Variants in SUGCT observed in about 807,000 individuals in gnomAD.
The protein encoded by SUGCT is succinyl-CoA:glutarate-CoA transferase, also known as succinyl-CoA:glutarate CoA-transferase.
SUGCT carries 41 observed loss-of-function variants against 55.0 expected under a neutral mutation model. The ratio of observed to expected loss-of-function variants is 0.74; its 90% CI spans 0.58 to 0.97. The LOEUF (loss-of-function observed/expected upper bound fraction) is 0.97. SUGCT is among the 50% of genes least tolerant of loss of function. The pLI, the probability that SUGCT is intolerant of heterozygous loss-of-function variation, is 0.00. For missense variants in SUGCT, 568 were observed against 547.8 expected (o/e 1.04, Z -0.37); for synonymous variants, 187 against 200.4 (o/e 0.93, Z 0.56).
chr7:40,150,438 G>T (rs995266925), intron 1 of SUGCT, among the ~76,000 whole-genome samples: 1 of 152,188 alleles, frequency 6.6e-6, no homozygotes, highest in Non-Finnish European at 1.5e-5. Context: ...GGAGGCTAAG[G>T]CAGGCGGATC....
At chr7:40,450,679 CAGG>C (rs1789140723) in intron 10 of SUGCT, among the ~76,000 whole-genome samples, 1 of 151,740 alleles carries the variant, frequency 6.6e-6, no homozygotes, top group Non-Finnish European at 1.5e-5. Context: ...TCGGCTGAGG[CAGG>C]AGAATTGCTT....
chr7:40,950,487 C>T, the SUGCT span, among the ~76,000 whole-genome samples: 7 of 152,166 alleles, frequency 4.6e-5, no homozygotes, highest in Non-Finnish European at 2.9e-5. Context: ...GAACTTCCAA[C>T]ACTCTGTTGA....
At position 40,314,950 on chromosome 7, in the gene SUGCT, A is replaced by T. The variant is rs138351320; in HGVS notation, c.721-1810A>T. On this transcript the variant is annotated intron_variant, in intron 8 of 13. Transcript: ENST00000335693. ...CATTTGCCTTGTAAGCACGTTGAAG[A>T]TTACTTACTATTTTGCAAATTGTGT... Among the ~76,000 whole-genome samples, 195 of 152,272 alleles carry T rather than the reference A, an allele frequency of 1.3e-3. 1 individual carries two copies. Among genetic ancestry groups the T allele is most frequent in the African/African-American group, 4.6e-3 (192 of 41,552 alleles).
intron 12 of SUGCT, among the ~76,000 whole-genome samples, chr7:40,596,922 A>T (rs1322397125): frequency 2.0e-5 from 3 of 152,198 alleles, no homozygotes; most frequent in Non-Finnish European, 4.4e-5. Context: ...AGATTAGAAG[A>T]TCCATGAGAT....
intron 13 of SUGCT, among the ~76,000 whole-genome samples, chr7:40,798,298 G>A (rs1790645738): frequency 6.6e-6 from 1 of 152,138 alleles, no homozygotes; most frequent in Admixed American, 6.5e-5. Flanking sequence ...AAATGATTGT[G>A]CTAAGATTGA....
intron 6 of SUGCT, among the ~76,000 whole-genome samples, chr7:40,204,630 A>C (rs1203458840): frequency 2.0e-5 from 3 of 151,854 alleles, no homozygotes; most frequent in African/African-American, 7.3e-5. Flanking sequence ...CTGTGGGATT[A>C]AGAAAATCTT....
chr7:40,448,946 G>GTGTT (rs1562785476), intron 9 of SUGCT, among the ~76,000 whole-genome samples: 4 of 145,494 alleles, frequency 2.7e-5, no homozygotes, highest in African/African-American at 7.9e-5. Context: ...GTGTGTGTGT[G>GTGTT]TGTGTATATA....
At chr7:40,577,395 A>G (rs956524309) in intron 12 of SUGCT, among the ~76,000 whole-genome samples, 6 of 151,846 alleles carry the variant, frequency 4.0e-5, no homozygotes, top group African/African-American at 1.5e-4. Context: ...TTTCTCTTGC[A>G]AATCTCGTAT....
chr7:40,755,180 G>A (rs1788194380), intron 13 of SUGCT, among the ~76,000 whole-genome samples: 1 of 152,146 alleles, frequency 6.6e-6, no homozygotes, highest in Non-Finnish European at 1.5e-5. Context: ...CTATGCTGGG[G>A]TCCCTGAGAT....
chr7:40,379,470 A>G (rs145468077), intron 9 of SUGCT, among the ~76,000 whole-genome samples: 6 of 152,356 alleles, frequency 3.9e-5, no homozygotes, highest in Admixed American at 3.3e-4. Context: ...AATATTAAAC[A>G]TTTTAAATAA....
At chr7:40,573,061 C>A (rs575388282) in intron 12 of SUGCT, among the ~76,000 whole-genome samples, 1 of 152,276 alleles carries the variant, frequency 6.6e-6, no homozygotes, top group African/African-American at 2.4e-5. Context: ...TTTAAGTGAA[C>A]TTGAGCTGTG....
the SUGCT span, among the ~76,000 whole-genome samples, chr7:40,899,605 G>A: frequency 1.1e-4 from 17 of 151,824 alleles, no homozygotes; most frequent in African/African-American, 4.1e-4. Context: ...GGTAACTCCC[G>A]TCTCTTGAGC....
chr7:40,300,574 A>C (rs1794471377), intron 8 of SUGCT, among the ~76,000 whole-genome samples: 1 of 152,240 alleles, frequency 6.6e-6, no homozygotes, highest in South Asian at 2.1e-4. Context: ...GTTAGAATGC[A>C]GATCATATGC....
At chr7:40,598,772 A>T (rs1798152136) in intron 12 of SUGCT, among the ~76,000 whole-genome samples, 1 of 152,190 alleles carries the variant, frequency 6.6e-6, no homozygotes, top group Non-Finnish European at 1.5e-5. Context: ...CCAATGAATG[A>T]CAGCTACCAT....
chr7:40,681,442 T>G (rs1171615535), intron 12 of SUGCT, among the ~76,000 whole-genome samples: 3 of 152,096 alleles, frequency 2.0e-5, no homozygotes, highest in African/African-American at 7.2e-5. Flanking sequence ...GTGGCACGCT[T>G]TGTTATAGAA....
At chr7:40,939,454 C>A in the SUGCT span, among the ~76,000 whole-genome samples, 3 of 152,228 alleles carry the variant, frequency 2.0e-5, no homozygotes, top group South Asian at 4.1e-4. Context: ...ACTTTTAGTT[C>A]TTTGAGAACT....
chr7:40,152,956 C>T (rs1321486941), intron 1 of SUGCT: 4 of 167,882 alleles, frequency 2.4e-5, no homozygotes, highest in Admixed American at 6.5e-5. Flanking sequence ...CTGCCCATCT[C>T]GGCCTCCCAA....
At chr7:40,902,369 G>C in the SUGCT span, among the ~76,000 whole-genome samples, 1 of 151,884 alleles carries the variant, frequency 6.6e-6, no homozygotes, top group Non-Finnish European at 1.5e-5. Context: ...CACGAGGTCC[G>C]GAGACTGAGA....
At chr7:40,386,683 A>G (rs1165631595) in intron 9 of SUGCT, among the ~76,000 whole-genome samples, 2 of 152,106 alleles carry the variant, frequency 1.3e-5, no homozygotes, top group Non-Finnish European at 2.9e-5. Context: ...ACATACTTTT[A>G]TCCCCCCGGC....
Sources: allele counts gnomAD v4.1 joint callset (sites outside exome capture counted in the v4.1 genomes callset), GRCh38; gene constraint gnomAD v4.1.1; transcripts MANE v1.5; gene names NCBI Gene and HGNC (gene_info 2026-07-23, HGNC 2026-07-21).